The following ZC3HC1 variants were observed in gnomAD, a reference collection of about 807,000 sequenced individuals.
The protein encoded by ZC3HC1 is zinc finger C3HC-type containing 1, also known as zinc finger C3HC-type protein 1.
Under a neutral mutation model 61.9 loss-of-function variants are expected in ZC3HC1, and 38 were observed. The ratio of observed to expected loss-of-function variants is 0.61; its 90% CI spans 0.47 to 0.81. The LOEUF is 0.81. Among genes scored for constraint, ZC3HC1 ranks in the 30% least tolerant of loss-of-function variants. ZC3HC1 has a pLI of 0.00. For missense variants in ZC3HC1, 554 were observed against 622.7 expected (o/e 0.89, Z 1.17); for synonymous variants, 213 against 229.9 (o/e 0.93, Z 0.67).
chr7:130,040,766 A>G (rs1377994407), intron 3 of ZC3HC1, among the ~76,000 whole-genome samples, 185 bp downstream of exon 3: 1 of 150,214 alleles, frequency 6.7e-6, no homozygotes, highest in Non-Finnish European at 1.5e-5. Flanking sequence ...TAATTGCACT[A>G]TTACATCTTG....
chr7:130,026,224 T>G lies in ZC3HC1; in HGVS notation c.710A>C (p.Lys237Thr). ...HRTDERKTTIKLGSDIQVHVT... is the reference protein window; with the variant it reads ...HRTDERKTTITLGSDIQVHVT... Reference sequence around the variant, plus strand: ...GTGGACTTGGATGTCTGAGCCTAATTTGATTGTAGTTTTTCTCTCATCAGT... The same window carrying G: ...GTGGACTTGGATGTCTGAGCCTAATGTGATTGTAGTTTTTCTCTCATCAGT... Residue 237 changes from lysine (K) to threonine (T), a missense_variant, in exon 6 of 10, where the codon AAA becomes ACA. By Grantham distance (78) the Lys-to-Thr change is moderately conservative (BLOSUM62 -1). Transcript: ENST00000358303. 6.2e-7 allele frequency: 1 copy of G among 1,614,120 alleles called. No homozygotes were observed. The highest frequency in any genetic ancestry group is 8.5e-7 in the Non-Finnish European group (1 of 1,179,992).
In ZC3HC1 at chr7:130,023,533, C is replaced by A; in HGVS notation, c.1211G>T (p.Arg404Leu). 1 of 1,614,146 alleles carries A rather than the reference C, an allele frequency of 6.2e-7. No individual in the cohort carries two copies. The change falls in exon 8 of 10, where the codon CGC becomes CTC. Residue 404 changes from arginine to leucine, a missense_variant. Transcript: ENST00000358303. The surrounding 1 kb of genome is among the most constrained non-coding windows in gnomAD (Gnocchi z 4.2). ...SSPLRKAKRA[R>L]LCSSSSSDTS... ...CACCGAACTGCTGGAGGAGCAGAGG[C>A]GAGCTCGCTTGGCTTTCCGCAGAGG...
intron 2 of ZC3HC1, among the ~76,000 whole-genome samples, chr7:130,047,434 G>C (rs1794908162): frequency 6.6e-6 from 1 of 152,132 alleles, no homozygotes; most frequent in South Asian, 2.1e-4. Flanking sequence ...GTGTGATTTG[G>C]CTTATTTTAT....
At chr7:130,031,208 A>G (rs1794170316) in intron 4 of ZC3HC1, among the ~76,000 whole-genome samples, 1 of 151,572 alleles carries the variant, frequency 6.6e-6, no homozygotes, top group African/African-American at 2.4e-5. Flanking sequence ...GCATGCCTGT[A>G]ATCCCAGCTA....
intron 1 of ZC3HC1, among the ~76,000 whole-genome samples, chr7:130,049,580 T>C (rs1032390434): frequency 2.0e-5 from 3 of 151,970 alleles, no homozygotes; most frequent in Non-Finnish European, 4.4e-5. Context: ...AGTCTCGCTC[T>C]GTTGCCCAGG....
At chr7:130,024,894 CTTTTTTTTTTTTTTT>C (rs544256735) in intron 6 of ZC3HC1, among the ~76,000 whole-genome samples, 13 of 37,122 alleles carry the variant, frequency 3.5e-4, no homozygotes, top group East Asian at 1.3e-3. Flanking sequence ...TCCTGTCCCT[CTTTTTTTTTTTTTTT>C]TTTTTTTTTT....
intron 2 of ZC3HC1, among the ~76,000 whole-genome samples, chr7:130,042,045 G>A (rs1201298394): frequency 6.6e-6 from 1 of 152,142 alleles, no homozygotes; most frequent in African/African-American, 2.4e-5. Flanking sequence ...GCACATGCTT[G>A]TAATCTCAGC....
chr7:130,045,360 A>C (rs1794821175), intron 2 of ZC3HC1: 2 of 379,638 alleles, frequency 5.3e-6, no homozygotes, highest in Admixed American at 3.0e-5. Flanking sequence ...AAAGTAGTGA[A>C]AAGCAGAAGA....
chr7:130,028,855 G>C, intron 5 of ZC3HC1, 47 bp downstream of exon 5: 1 of 1,592,236 alleles, frequency 6.3e-7, no homozygotes, highest in Admixed American at 1.8e-5. Context: ...AGGTATAAAT[G>C]CTGGCAACAA....
chr7:130,028,774 G>A, intron 5 of ZC3HC1, 128 bp downstream of exon 5: 1 of 1,284,680 alleles, frequency 7.8e-7, no homozygotes, highest in South Asian at 1.6e-5. Flanking sequence ...GACTGAAAAG[G>A]TCAGATGAGA....
chr7:130,026,341 T>C, intron 5 of ZC3HC1, 29 bp from the exon 6 acceptor site: 1 of 1,589,832 alleles, frequency 6.3e-7, no homozygotes, highest in South Asian at 1.1e-5. Flanking sequence ...AAAAACTTCG[T>C]TTCAACCACC....
chr7:130,051,437 T>C, upstream of ZC3HC1: 3 of 1,598,978 alleles, frequency 1.9e-6, no homozygotes, highest in Non-Finnish European at 2.5e-6. Context: ...GAGGTTAATA[T>C]CCGCCTCTTG....
At position 130,024,362 on chromosome 7, in the gene ZC3HC1, G is replaced by T; in HGVS notation, c.921C>A (p.Gly307=). The T allele has an allele frequency of 6.2e-7, 1 of 1,614,112 alleles. No individual in the cohort carries two copies. The highest frequency in any genetic ancestry group is 1.1e-5 in the South Asian group (1 of 91,086). The change falls in exon 7 of 10, where the codon GGC becomes GGA. Residue 307 remains glycine, a synonymous_variant. Coordinates refer to ENST00000358303, the MANE Select transcript of ZC3HC1 (RefSeq NM_016478.5). Reference sequence around the variant, plus strand: ...GTAAGCGCTCTGGTCGCCCCTCAAGGCCTGGGATTGGGGAGCTGGTCAGGC... The same window carrying T: ...GTAAGCGCTCTGGTCGCCCCTCAAGTCCTGGGATTGGGGAGCTGGTCAGGC... ...SFGLTSSPIP[G]LEGRPERLPL...
chr7:130,033,445 CTTTTTTTTT>C (rs3043729), intron 4 of ZC3HC1, among the ~76,000 whole-genome samples: 13 of 82,844 alleles, frequency 1.6e-4, no homozygotes, highest in Admixed American at 4.3e-4. Context: ...CTATAGCATT[CTTTTTTTTT>C]TTTTTTTTTT....
At chr7:130,044,636 T>C (rs1276047725) in intron 2 of ZC3HC1, among the ~76,000 whole-genome samples, 1 of 152,198 alleles carries the variant, frequency 6.6e-6, no homozygotes, top group African/African-American at 2.4e-5. Flanking sequence ...TAAAGTTTGA[T>C]AAGGACTGGG....
rs548849254 is a variant in ZC3HC1 at position 130,032,747 on chromosome 7, GA to G, written c.494-3719del. On this transcript the variant is annotated intron_variant, in intron 4 of 9. Transcript: ENST00000358303. The stretch of plus-strand genomic sequence containing the variant: ...GGAGGGAGGGAGGGAGGGACAGTAA[GA>G]GGGGAAGGGGGGAAGGGAAGGAGGG... Among the ~76,000 whole-genome samples, 690 of 117,954 alleles carry G rather than the reference GA, an allele frequency of 5.8e-3. 28 individuals carry two copies. Among genetic ancestry groups the G allele is most frequent in the Admixed American group, 0.029 (308 of 10,482 alleles). 77.4% of individuals were successfully genotyped at this position (117,954 alleles called of 152,430 possible). A position where few individuals can be genotyped will look rare whatever the true frequency, so the allele number is the denominator to read the frequency against.
At chr7:130,025,593 G>A (rs1793862174) in intron 6 of ZC3HC1, among the ~76,000 whole-genome samples, 1 of 151,768 alleles carries the variant, frequency 6.6e-6, no homozygotes, top group South Asian at 2.1e-4. Context: ...ATTCAGCCTG[G>A]TGTGGTGGCT....
rs893195314 is a variant in ZC3HC1, at chr7:130,037,317, G to A, written c.493+2147C>T. Among the ~76,000 whole-genome samples the A allele has an allele frequency of 5.9e-5, 9 of 152,214 alleles. No individual in the cohort carries two copies. The South Asian group carries it at 1.0e-3, about 18-fold the overall frequency. ...AAATTAGCTGGGTGTGGTGGCACGC[G>A]CCTGTAGTCCCAGCTACTCGGGAGG... On this transcript the variant is annotated intron_variant, in intron 4 of 9. Transcript: ENST00000358303.
At chr7:130,036,841 T>A (rs1403417802) in intron 4 of ZC3HC1, 1 of 152,158 alleles carries the variant, frequency 6.6e-6, no homozygotes, top group Non-Finnish European at 1.5e-5. Flanking sequence ...GAGAAGAGCA[T>A]CTAAAGTGAC....
Sources: gnomAD v4.1 joint callset for allele counts (sites outside exome capture counted in the v4.1 genomes callset) on GRCh38, gnomAD v4.1.1 for gene constraint, Gnocchi (gnomAD v3.1) non-coding constraint, MANE v1.5 for transcripts, NCBI Gene and HGNC (gene_info 2026-07-23, HGNC 2026-07-21) for gene names.